Variants in GABRB1 observed in about 807,000 individuals in gnomAD.
The protein encoded by GABRB1 is gamma-aminobutyric acid receptor subunit beta-1.
In GABRB1, 17 loss-of-function variants were observed where a neutral mutation model predicts 51.6. The ratio of observed to expected loss-of-function variants is 0.33; its 90% CI spans 0.23 to 0.49. The LOEUF (loss-of-function observed/expected upper bound fraction) is 0.49. GABRB1 is among the 20% of genes least tolerant of loss of function. The probability of loss-of-function intolerance (pLI) is 0.99; values close to 1 mark genes in which losing one functional copy is unlikely to be tolerated. For missense variants in GABRB1, 410 were observed against 600.6 expected (o/e 0.68, Z 3.32); for synonymous variants, 247 against 218.9 (o/e 1.13, Z -1.14).
At chr4:47,042,233 C>T (rs923210305) in intron 3 of GABRB1, among the ~76,000 whole-genome samples, 5 of 151,206 alleles carry the variant, frequency 3.3e-5, no homozygotes, top group South Asian at 4.2e-4. Context: ...TTAATAGTTT[C>T]TTTATCAAGT....
chr4:47,343,618 T>C (rs969756700), intron 5 of GABRB1, among the ~76,000 whole-genome samples: 5 of 152,124 alleles, frequency 3.3e-5, no homozygotes, highest in African/African-American at 9.7e-5. Flanking sequence ...GCTGTCCTGA[T>C]TGAGAGAATG....
chr4:47,284,097 CAAAAAAA>C (rs780643469), intron 4 of GABRB1, among the ~76,000 whole-genome samples: 2 of 48,916 alleles, frequency 4.1e-5, no homozygotes, highest in Admixed American at 4.2e-4. Context: ...GACTCAGTCT[CAAAAAAA>C]AAAAAAAAAA....
At chr4:47,351,664 G>C (rs546628535) in intron 5 of GABRB1, among the ~76,000 whole-genome samples, 217 of 148,186 alleles carry the variant, frequency 1.5e-3, no homozygotes, top group Non-Finnish European at 2.6e-3. Flanking sequence ...GTGGTGTTTG[G>C]TTTTTTGTCC....
At chr4:47,272,457 A>G (rs140437539) in intron 4 of GABRB1, among the ~76,000 whole-genome samples, 3,072 of 152,246 alleles carry the variant, frequency 0.02, 40 homozygotes, top group Non-Finnish European at 0.032. Flanking sequence ...AAAGTTCAAG[A>G]TAAGAATTCT....
chr4:47,231,662 C>T (rs1015981281), intron 4 of GABRB1, among the ~76,000 whole-genome samples: 1 of 152,198 alleles, frequency 6.6e-6, no homozygotes, highest in Non-Finnish European at 1.5e-5. Context: ...ATTACCTTTT[C>T]ATATTGACCA....
At chr4:47,369,229 G>T (rs1727101737) in intron 5 of GABRB1, among the ~76,000 whole-genome samples, 1 of 152,170 alleles carries the variant, frequency 6.6e-6, no homozygotes, top group African/African-American at 2.4e-5. Flanking sequence ...TTAGCTTAGT[G>T]GACAGAGGAT....
At chr4:47,077,958 T>A (rs1239167409) in intron 3 of GABRB1, among the ~76,000 whole-genome samples, 8 of 97,444 alleles carry the variant, frequency 8.2e-5, no homozygotes, top group Middle Eastern at 5.3e-3. Flanking sequence ...ATTATATATT[T>A]TATATATATA....
chr4:47,178,423 C>T (rs1363522821), intron 4 of GABRB1, among the ~76,000 whole-genome samples: 1 of 152,052 alleles, frequency 6.6e-6, no homozygotes, highest in African/African-American at 2.4e-5. Context: ...TAGAATCTCT[C>T]CAGGTTTGTT....
intron 3 of GABRB1, among the ~76,000 whole-genome samples, chr4:47,134,431 C>T (rs1314751972): frequency 2.0e-5 from 3 of 151,844 alleles, no homozygotes; most frequent in African/African-American, 4.8e-5. Context: ...ATGTCACTTA[C>T]CATGAGTTTA....
chr4:47,079,861 G>T (rs1218725561), intron 3 of GABRB1, among the ~76,000 whole-genome samples: 1 of 103,226 alleles, frequency 9.7e-6, no homozygotes, highest in Non-Finnish European at 1.8e-5. Context: ...GGTGGGGGGA[G>T]GGGGGAGGGA....
chr4:47,141,285 T>C (rs1716923203), intron 3 of GABRB1, among the ~76,000 whole-genome samples: 1 of 151,940 alleles, frequency 6.6e-6, no homozygotes, highest in African/African-American at 2.4e-5. Flanking sequence ...CATTCTTCTC[T>C]TTATAAAGGT....
At chr4:47,354,986 T>TTTTG (rs796792770) in intron 5 of GABRB1, among the ~76,000 whole-genome samples, 5 of 130,466 alleles carry the variant, frequency 3.8e-5, no homozygotes, top group East Asian at 2.1e-4. Context: ...CTTTGTTTTT[T>TTTTG]TTTTTTTTTT....
chr4:47,167,551 A>C (rs1358941833), intron 4 of GABRB1, among the ~76,000 whole-genome samples: 1 of 152,110 alleles, frequency 6.6e-6, no homozygotes, highest in African/African-American at 2.4e-5. Context: ...ATTAAAAATG[A>C]ATGTGTGCAA....
chr4:47,368,433 GA>G (rs1727066445), intron 5 of GABRB1, among the ~76,000 whole-genome samples: 1 of 152,102 alleles, frequency 6.6e-6, no homozygotes, highest in African/African-American at 2.4e-5. Flanking sequence ...CATAACAGGG[GA>G]GGGGAGGTGC....
At chr4:47,113,392 A>C (rs1272561616) in intron 3 of GABRB1, among the ~76,000 whole-genome samples, 1 of 151,256 alleles carries the variant, frequency 6.6e-6, no homozygotes, top group Non-Finnish European at 1.5e-5. Flanking sequence ...TCTCCAAAAA[A>C]AAAAAAAAAA....
At chr4:47,295,365 A>G (rs1052229371) in intron 4 of GABRB1, among the ~76,000 whole-genome samples, 6 of 152,226 alleles carry the variant, frequency 3.9e-5, no homozygotes, top group Non-Finnish European at 5.9e-5. Flanking sequence ...TTTGAAAAAA[A>G]TTTAGACGAA....
chr4:47,343,048 T>C (rs1405730333), intron 5 of GABRB1, among the ~76,000 whole-genome samples: 3 of 151,950 alleles, frequency 2.0e-5, no homozygotes, highest in Admixed American at 6.6e-5. Context: ...GCGAGTGTCA[T>C]TAAGGGCATC....
At chr4:47,154,046 G>A (rs1304797782) in intron 3 of GABRB1, among the ~76,000 whole-genome samples, 2 of 151,956 alleles carry the variant, frequency 1.3e-5, no homozygotes, top group African/African-American at 2.4e-5. Context: ...AAAGATAAAA[G>A]ATTAGAAATT....
chr4:47,263,196 T>TAATA (rs60437394), intron 4 of GABRB1, among the ~76,000 whole-genome samples: 7,944 of 149,392 alleles, frequency 0.053, 337 homozygotes, highest in African/African-American at 0.12. Flanking sequence ...AGTATAATAA[T>TAATA]AATAAATAAA....
Sources: allele counts gnomAD v4.1 joint callset (sites outside exome capture counted in the v4.1 genomes callset), GRCh38; gene constraint gnomAD v4.1.1; transcripts MANE v1.5; gene names NCBI Gene and HGNC (gene_info 2026-07-23, HGNC 2026-07-21).